The following RGS6 variants were observed in gnomAD, a reference collection of about 807,000 sequenced individuals.
RGS6 encodes regulator of G protein signaling 6, also known as regulator of G-protein signaling 6.
A neutral mutation model predicts 78.5 loss-of-function variants in RGS6; 30 were observed. The observed-to-expected ratio is 0.38, with a 90% confidence interval of 0.29 to 0.52. The LOEUF (loss-of-function observed/expected upper bound fraction) is 0.52, where lower values mean the gene tolerates loss of function less well. RGS6 is among the 20% of genes least tolerant of loss of function. The pLI, the probability that RGS6 is intolerant of heterozygous loss-of-function variation, is 0.85. For missense variants in RGS6, 495 were observed against 609.7 expected (o/e 0.81, Z 1.98); for synonymous variants, 206 against 206.0 (o/e 1.00, Z 0.00).
At chr14:72,390,033 G>A (rs749394969) in intron 3 of RGS6, among the ~76,000 whole-genome samples, 2 of 150,950 alleles carry the variant, frequency 1.3e-5, no homozygotes, top group South Asian at 2.1e-4. Context: ...AAAAATAAAC[G>A]GTTCTTTAAA....
intron 2 of RGS6, among the ~76,000 whole-genome samples, chr14:72,240,693 A>G (rs141559957): frequency 2.0e-3 from 297 of 152,270 alleles, no homozygotes; most frequent in Non-Finnish European, 3.4e-3. Flanking sequence ...TGGGGTTTTT[A>G]TTTCCGGTAC....
At chr14:72,421,640 G>C (rs1043190113) in intron 3 of RGS6, 1 of 152,222 alleles carries the variant, frequency 6.6e-6, no homozygotes, top group Non-Finnish European at 1.5e-5. Context: ...GTAGAGGGGA[G>C]ACAGCACCGG....
intron 1 of RGS6, among the ~76,000 whole-genome samples, chr14:71,956,927 A>T (rs576326460): frequency 1.3e-5 from 2 of 152,214 alleles, no homozygotes; most frequent in Non-Finnish European, 2.9e-5. Context: ...CTGTGTGTTC[A>T]ATGGATTAAA....
chr14:72,024,300 G>T (rs2153276837), intron 2 of RGS6, among the ~76,000 whole-genome samples: 1 of 152,268 alleles, frequency 6.6e-6, no homozygotes, highest in Non-Finnish European at 1.5e-5. Context: ...ACAATTTCTT[G>T]TTCCTAACGT....
chr14:72,028,746 T>G (rs1269231009), intron 2 of RGS6, among the ~76,000 whole-genome samples: 1 of 152,238 alleles, frequency 6.6e-6, no homozygotes, highest in Non-Finnish European at 1.5e-5. Flanking sequence ...GACTTGGTGC[T>G]GTTTGGCTTT....
chr14:72,140,654 A>G (rs2096526896), intron 2 of RGS6, among the ~76,000 whole-genome samples: 1 of 152,234 alleles, frequency 6.6e-6, no homozygotes, highest in Non-Finnish European at 1.5e-5. Flanking sequence ...TTCCAAAACA[A>G]CACATCTGAG....
At chr14:72,069,841 A>G (rs966292428) in intron 2 of RGS6, among the ~76,000 whole-genome samples, 2 of 152,124 alleles carry the variant, frequency 1.3e-5, no homozygotes, top group South Asian at 2.1e-4. Context: ...CGCCCAGCCA[A>G]TCACATATGA....
At chr14:72,350,613 C>T (rs144267885) in intron 2 of RGS6, among the ~76,000 whole-genome samples, 42 of 152,286 alleles carry the variant, frequency 2.8e-4, no homozygotes, top group African/African-American at 1.0e-3. Flanking sequence ...CCCCCTGGCA[C>T]ATTGACCAGC....
chr14:72,052,491 T>A (rs1232058586), intron 2 of RGS6, among the ~76,000 whole-genome samples: 1 of 152,176 alleles, frequency 6.6e-6, no homozygotes, highest in Non-Finnish European at 1.5e-5. Flanking sequence ...ATGAGAAGCC[T>A]CTTTCTGGAT....
intron 2 of RGS6, among the ~76,000 whole-genome samples, chr14:72,130,455 G>T (rs946635064): frequency 2.6e-5 from 4 of 152,134 alleles, no homozygotes; most frequent in Non-Finnish European, 5.9e-5. Context: ...TATCCATGTG[G>T]CTGGCACCTT....
chr14:72,156,293 A>C (rs1375333201), intron 2 of RGS6, among the ~76,000 whole-genome samples: 1 of 152,040 alleles, frequency 6.6e-6, no homozygotes, highest in African/African-American at 2.4e-5. Flanking sequence ...AAAGATACAA[A>C]AAATTAGCTG....
chr14:71,915,094 C>CA, the RGS6 span, among the ~76,000 whole-genome samples: 419 of 128,074 alleles, frequency 3.3e-3, 2 homozygotes, highest in East Asian at 0.013. Context: ...GTAAACATAA[C>CA]AAAAAAAAAA....
At chr14:72,434,296 C>T (rs1336030165) in intron 3 of RGS6, among the ~76,000 whole-genome samples, 1 of 152,232 alleles carries the variant, frequency 6.6e-6, no homozygotes, top group African/African-American at 2.4e-5. Context: ...CTGCTCTCAC[C>T]TCTGCACTAC....
intron 2 of RGS6, among the ~76,000 whole-genome samples, chr14:72,262,315 G>A (rs1256483711): frequency 6.6e-6 from 1 of 152,160 alleles, no homozygotes; most frequent in Middle Eastern, 3.2e-3. Flanking sequence ...TCACAGTTCT[G>A]GAGGCTGGAA....
At chr14:72,298,982 T>G (rs991338123) in intron 2 of RGS6, among the ~76,000 whole-genome samples, 8 of 152,248 alleles carry the variant, frequency 5.3e-5, no homozygotes, top group African/African-American at 1.9e-4. Context: ...TCAATTTTTC[T>G]ATTTCTTCTT....
intron 2 of RGS6, among the ~76,000 whole-genome samples, chr14:72,255,152 G>A (rs924911384): frequency 5.9e-5 from 9 of 152,130 alleles, no homozygotes; most frequent in African/African-American, 2.2e-4. Context: ...GAAAGGAAAA[G>A]GAAAGGCAGG....
intron 7 of RGS6, among the ~76,000 whole-genome samples, chr14:72,468,568 C>T (rs569007961): frequency 2.0e-5 from 3 of 152,096 alleles, no homozygotes; most frequent in Non-Finnish European, 2.9e-5. Flanking sequence ...CCTGTGACTC[C>T]CCCTCACCTA....
the RGS6 span, among the ~76,000 whole-genome samples, chr14:71,876,000 G>A: frequency 6.6e-6 from 1 of 152,174 alleles, no homozygotes; most frequent in African/African-American, 2.4e-5. Context: ...TTGCACTGTG[G>A]TCTGAGAGAC....
At chr14:72,336,360 C>T (rs879811632) in intron 2 of RGS6, among the ~76,000 whole-genome samples, 1 of 152,158 alleles carries the variant, frequency 6.6e-6, no homozygotes, top group Non-Finnish European at 1.5e-5. Flanking sequence ...TATCCCCTAA[C>T]ATTAGACAGA....
Sources: gnomAD v4.1 joint callset for allele counts (sites outside exome capture counted in the v4.1 genomes callset) on GRCh38, gnomAD v4.1.1 for gene constraint, MANE v1.5 for transcripts, NCBI Gene and HGNC (gene_info 2026-07-23, HGNC 2026-07-21) for gene names.